Variants in DPP6 observed in about 807,000 individuals in gnomAD.
The protein encoded by DPP6 is dipeptidyl peptidase like 6.
DPP6 carries 69 observed loss-of-function variants against 122.6 expected under a neutral mutation model. The observed-to-expected ratio is 0.56, with a 90% CI of 0.46 to 0.69. The LOEUF is 0.69. Among genes scored for constraint, DPP6 ranks in the 30% least tolerant of loss-of-function variants. The pLI is 0.00. For synonymous variants in DPP6, 418 were observed against 433.1 expected (o/e 0.97, Z 0.43); for missense variants, 928 against 1,116.9 (o/e 0.83, Z 2.41).
intron 1 of DPP6, among the ~76,000 whole-genome samples, chr7:154,192,792 T>C (rs1798679145): frequency 6.6e-6 from 1 of 152,220 alleles, no homozygotes; most frequent in Non-Finnish European, 1.5e-5. Flanking sequence ...ATTATTTTAC[T>C]CCAGCTAGTA....
chr7:154,536,457 A>G (rs1441748426), intron 3 of DPP6, among the ~76,000 whole-genome samples: 1 of 152,196 alleles, frequency 6.6e-6, no homozygotes, highest in East Asian at 1.9e-4. Context: ...CAGACCAAGT[A>G]CGCAGAAGGA....
chr7:154,091,746 G>A (rs1381413913), intron 1 of DPP6, among the ~76,000 whole-genome samples: 1 of 152,102 alleles, frequency 6.6e-6, no homozygotes, highest in African/African-American at 2.4e-5. Context: ...ATAGGGCGGT[G>A]TCACTGCCTC....
At chr7:154,337,731 A>G (rs778094210) in intron 1 of DPP6, among the ~76,000 whole-genome samples, 7 of 152,208 alleles carry the variant, frequency 4.6e-5, no homozygotes, top group Non-Finnish European at 7.3e-5. Context: ...AAGATGGAGG[A>G]AGTCACCTCT....
chr7:154,455,489 A>C (rs367955798), intron 2 of DPP6, among the ~76,000 whole-genome samples: 6 of 152,256 alleles, frequency 3.9e-5, no homozygotes, highest in Admixed American at 6.5e-5. Flanking sequence ...AATTGAAACA[A>C]ATCTTCTCCC....
chr7:154,090,648 C>G (rs894586952), intron 1 of DPP6, among the ~76,000 whole-genome samples: 1 of 151,786 alleles, frequency 6.6e-6, no homozygotes, highest in Non-Finnish European at 1.5e-5. Flanking sequence ...GCTTCTGGTC[C>G]GTTGAGCTGA....
At chr7:154,207,250 A>C (rs115356465) in intron 1 of DPP6, among the ~76,000 whole-genome samples, 1,991 of 152,344 alleles carry the variant, frequency 0.013, 49 homozygotes, top group African/African-American at 0.045. Flanking sequence ...GTGAAAACCC[A>C]ATCATAGGCA....
chr7:154,681,843 A>G (rs1264202386), intron 7 of DPP6, among the ~76,000 whole-genome samples: 1 of 152,234 alleles, frequency 6.6e-6, no homozygotes, highest in East Asian at 1.9e-4. Context: ...GTAGCAGTTA[A>G]TCTTATGCCT....
chr7:154,050,073 A>G (rs1800222816), upstream of DPP6, among the ~76,000 whole-genome samples: 2 of 152,110 alleles, frequency 1.3e-5, no homozygotes, highest in Non-Finnish European at 2.9e-5. Flanking sequence ...TGCATCTTTC[A>G]GACGCTCGCT....
intron 1 of DPP6, among the ~76,000 whole-genome samples, chr7:154,206,732 C>T (rs1215143411): frequency 3.9e-5 from 6 of 152,132 alleles, no homozygotes; most frequent in Admixed American, 6.5e-5. Flanking sequence ...TACTGTAGAG[C>T]GATGGAAATG....
intron 1 of DPP6, among the ~76,000 whole-genome samples, chr7:154,272,688 A>G (rs550431735): frequency 6.6e-6 from 1 of 152,326 alleles, no homozygotes; most frequent in African/African-American, 2.4e-5. Flanking sequence ...TGAGGCCATT[A>G]AAGTCCTTAG....
intron 1 of DPP6, among the ~76,000 whole-genome samples, chr7:154,374,804 G>C (rs1045838229): frequency 2.6e-5 from 4 of 151,874 alleles, no homozygotes; most frequent in Admixed American, 1.3e-4. Flanking sequence ...TAGAGATGGG[G>C]TTTCACCATG....
At chr7:153,890,931 C>G (rs557700536) in intron 1 of DPP6, among the ~76,000 whole-genome samples, 14 of 148,794 alleles carry the variant, frequency 9.4e-5, no homozygotes, top group Non-Finnish European at 1.5e-4. Flanking sequence ...CCCCTGACCT[C>G]AGGTAATCTG....
intron 1 of DPP6, among the ~76,000 whole-genome samples, chr7:154,035,996 A>C (rs1347340226): frequency 6.7e-6 from 1 of 148,456 alleles, no homozygotes; most frequent in Non-Finnish European, 1.5e-5. Flanking sequence ...AGAATGATGA[A>C]TGGCCAGGAT....
In DPP6 at chr7:153,966,815, C is replaced by T. The variant is rs563222585; in HGVS notation, c.51+79081C>T. Among the ~76,000 whole-genome samples the T allele has an allele frequency of 1.9e-3, 284 of 151,118 alleles. 2 individuals are homozygous for T. The highest frequency in any genetic ancestry group is 6.7e-3 in the African/African-American group (274 of 40,984). ...TTGGTGGTGGCTCATGCCTGTAATC[C>T]CAGCACTTTGGGAGGCTGAGACAGG... On this transcript the variant is annotated intron_variant, in intron 1 of 25. Coordinates refer to the DPP6 transcript ENST00000404039.
At chr7:154,313,768 T>C (rs1411234280) in intron 1 of DPP6, among the ~76,000 whole-genome samples, 1 of 139,752 alleles carries the variant, frequency 7.2e-6, no homozygotes, top group Non-Finnish European at 1.5e-5. Context: ...CATATATATG[T>C]AGTACTTCCT....
the DPP6 span, among the ~76,000 whole-genome samples, chr7:153,872,607 T>C: frequency 6.6e-6 from 1 of 152,232 alleles, no homozygotes; most frequent in African/African-American, 2.4e-5. Flanking sequence ...CATAAATTAA[T>C]CCATGTATAT....
At chr7:154,225,920 C>T (rs1395748918) in intron 1 of DPP6, among the ~76,000 whole-genome samples, 10 of 151,954 alleles carry the variant, frequency 6.6e-5, no homozygotes, top group African/African-American at 2.4e-5. Context: ...AGCAACCTCA[C>T]AGTTTTGGTC....
At chr7:154,891,670 C>T (rs1806623473) in intron 25 of DPP6, among the ~76,000 whole-genome samples, 1 of 152,126 alleles carries the variant, frequency 6.6e-6, no homozygotes, top group Non-Finnish European at 1.5e-5. Context: ...ACAGCAACCT[C>T]CGCCTCCTGG....
At chr7:153,827,275 A>T in the DPP6 span, among the ~76,000 whole-genome samples, 1 of 152,228 alleles carries the variant, frequency 6.6e-6, no homozygotes, top group Non-Finnish European at 1.5e-5. Flanking sequence ...ATATCCATGT[A>T]GCAGAAAGAA....
Sources: gnomAD v4.1 joint callset for allele counts (sites outside exome capture counted in the v4.1 genomes callset) on GRCh38, gnomAD v4.1.1 for gene constraint, MANE v1.5 for transcripts, NCBI Gene and HGNC (gene_info 2026-07-23, HGNC 2026-07-21) for gene names.